The following MUSK variants were observed in gnomAD, a reference collection of about 807,000 sequenced individuals.
The protein encoded by MUSK is muscle, skeletal receptor tyrosine-protein kinase.
In MUSK, 55 loss-of-function variants were observed where a neutral mutation model predicts 88.7. The ratio of observed to expected loss-of-function variants is 0.62; its 90% CI spans 0.50 to 0.78. The LOEUF (loss-of-function observed/expected upper bound fraction) is 0.78. Among genes scored for constraint, MUSK ranks in the 30% least tolerant of loss-of-function variants. MUSK has a pLI of 0.00. For synonymous variants in MUSK, 387 were observed against 391.9 expected, an observed-to-expected ratio of 0.99 and a Z score of 0.15; for missense variants, 1,015 against 1,074.3, an observed-to-expected ratio of 0.94 and a Z score of 0.77.
At chr9:110,752,999 T>C (rs1475843603) in intron 7 of MUSK, among the ~76,000 whole-genome samples, 2 of 152,170 alleles carry the variant, frequency 1.3e-5, no homozygotes, top group Admixed American at 1.3e-4. Flanking sequence ...GCCAGGATGC[T>C]GGGCATTTGG....
chr9:110,694,397 A>C (rs543423453), intron 3 of MUSK, among the ~76,000 whole-genome samples: 2,310 of 144,108 alleles, frequency 0.016, 70 homozygotes, highest in African/African-American at 0.06. Flanking sequence ...AAAAAAAAAA[A>C]AAAAAAAAAC....
At chr9:110,785,116 C>T in intron 12 of MUSK, 100 bp downstream of exon 12, 1 of 1,010,792 alleles carries the variant, frequency 9.9e-7, no homozygotes. Flanking sequence ...CACTGCAACT[C>T]TCTAAATATA....
chr9:110,764,316 C>T (rs2131940370), intron 8 of MUSK, among the ~76,000 whole-genome samples: 1 of 152,304 alleles, frequency 6.6e-6, no homozygotes. Flanking sequence ...TTACAAAAGA[C>T]AACAGAAGAC....
chr9:110,694,215 CA>C lies in MUSK; in HGVS notation c.359-1167del, dbSNP rs1217917603. 6.0e-3 allele frequency among the ~76,000 whole-genome samples: 433 copies of C among 72,092 alleles called. 1 individual carries two copies. Among genetic ancestry groups the C allele is most frequent in the African/African-American group, 0.015 (271 of 18,510 alleles). 47.3% of individuals were successfully genotyped at this position (72,092 alleles called of 152,430 possible). ...TGAAACCCCGTCTCCACTAAAAATA[CA>C]AAAAAAAAAAAAAAAAAAAATTAGC... is the stretch of plus-strand genomic sequence containing the variant. On this transcript the variant is annotated intron_variant, in intron 3 of 14. Coordinates refer to ENST00000374448, the MANE Select transcript of MUSK (RefSeq NM_005592.4).
chr9:110,778,185 C>T (rs149804239), intron 11 of MUSK, among the ~76,000 whole-genome samples: 5 of 152,186 alleles, frequency 3.3e-5, no homozygotes, highest in African/African-American at 1.2e-4. Flanking sequence ...TTTCTTCTTC[C>T]TTGAGCATAG....
intron 7 of MUSK, among the ~76,000 whole-genome samples, chr9:110,761,421 G>A (rs973184913): frequency 1.5e-4 from 23 of 152,194 alleles, no homozygotes; most frequent in African/African-American, 5.3e-4. Flanking sequence ...ACAGCCTTGA[G>A]GCAGCCAGGT....
At chr9:110,676,460 T>G (rs1475900575) in intron 1 of MUSK, among the ~76,000 whole-genome samples, 1 of 151,858 alleles carries the variant, frequency 6.6e-6, no homozygotes, top group Non-Finnish European at 1.5e-5. Context: ...TAGGTAAACG[T>G]GTGCCATGGT....
chr9:110,739,131 A>G (rs779555528), intron 6 of MUSK, among the ~76,000 whole-genome samples: 3 of 152,116 alleles, frequency 2.0e-5, no homozygotes, highest in Non-Finnish European at 4.4e-5. Flanking sequence ...TACTTGTCTA[A>G]TGTGTCTCCA....
At chr9:110,782,475 T>G (rs1158777874) in intron 11 of MUSK, among the ~76,000 whole-genome samples, 1 of 152,258 alleles carries the variant, frequency 6.6e-6, no homozygotes, top group Non-Finnish European at 1.5e-5. Context: ...TCTTTTAACA[T>G]GACAGTAAAT....
intron 5 of MUSK, among the ~76,000 whole-genome samples, chr9:110,712,745 T>A (rs1421127445): frequency 2.6e-5 from 4 of 152,208 alleles, no homozygotes; most frequent in African/African-American, 9.6e-5. Context: ...AAGATATCAA[T>A]GTTAGGATAG....
Position 110,800,338 on chromosome 9 carries a change from C to G in MUSK, c.1960C>G (p.Leu654Val). The G allele has an allele frequency of 6.2e-7, 1 of 1,613,178 alleles. No individual in the cohort carries two copies. The highest frequency in any genetic ancestry group is 8.5e-7 in the Non-Finnish European group (1 of 1,179,328). ...TGCTGTCGGGAAGCCAATGTGCCTG[C>G]TCTTTGAATACATGGCCTATGGTGA... is the stretch of plus-strand genomic sequence containing the variant. ...VCAVGKPMCL[L>V]FEYMAYGDLN... The change falls in exon 15 of 15, where the codon CTC (leucine) becomes GTC (valine). Residue 654 changes from leucine to valine, a missense_variant. Transcript: ENST00000374448.
chr9:110,797,580 C>T (rs373427059), intron 14 of MUSK, among the ~76,000 whole-genome samples: 9 of 151,980 alleles, frequency 5.9e-5, no homozygotes, highest in Admixed American at 2.6e-4. Context: ...AGTAGTATCT[C>T]GAATAGTTTC....
At chr9:110,786,082 C>T (rs57732148) in intron 13 of MUSK, among the ~76,000 whole-genome samples, 4,909 of 150,744 alleles carry the variant, frequency 0.033, 293 homozygotes, top group African/African-American at 0.11. Flanking sequence ...GAGGCTGAGG[C>T]GGGAGGATCA....
chr9:110,684,744 T>A (rs2076173254), intron 2 of MUSK, among the ~76,000 whole-genome samples: 1 of 152,088 alleles, frequency 6.6e-6, no homozygotes, highest in South Asian at 2.1e-4. Flanking sequence ...CTATTGTAAA[T>A]AGGATTATTT....
rs138593831 is a variant in MUSK, at chr9:110,776,548, C to G, written c.1361-84C>G. On this transcript the variant is annotated intron_variant, in intron 10 of 14. Transcript: ENST00000374448. Reference sequence around the variant, plus strand: ...TATTAAAAAGCTGAGAGAGAACTTGCATTTCTTAGCACTCACTCTCTCACA... The same window carrying G: ...TATTAAAAAGCTGAGAGAGAACTTGGATTTCTTAGCACTCACTCTCTCACA... The G allele has an allele frequency of 1.0e-4, 111 of 1,092,072 alleles. No individual in the cohort carries two copies. In the African/African-American group the frequency reaches 1.7e-3, roughly 16 times the overall value. 67.6% of individuals were successfully genotyped at this position (1,092,072 alleles called of 1,614,324 possible).
chr9:110,731,629 C>A lies in MUSK; in HGVS notation c.629-2622C>A, dbSNP rs113074054. Among the ~76,000 whole-genome samples the A allele has an allele frequency of 1.4e-3, 208 of 152,160 alleles. 2 individuals carry two copies. The highest frequency in any genetic ancestry group is 4.7e-3 in the African/African-American group (197 of 41,542). On this transcript the variant is annotated intron_variant, in intron 5 of 14. Coordinates refer to ENST00000374448, the MANE Select transcript of MUSK (RefSeq NM_005592.4). ...AATGAAACCCATGGTCAGCCATAGC[C>A]TATCTGCCCCCTTCAGGGAGAAGTT...
chr9:110,720,392 A>G (rs2076795926), intron 5 of MUSK, among the ~76,000 whole-genome samples: 2 of 152,112 alleles, frequency 1.3e-5, no homozygotes, highest in Non-Finnish European at 2.9e-5. Flanking sequence ...AAGCTTTATT[A>G]GAAATGAAAT....
intron 3 of MUSK, among the ~76,000 whole-genome samples, chr9:110,692,306 T>A (rs1477487502): frequency 2.6e-5 from 4 of 152,042 alleles, no homozygotes; most frequent in African/African-American, 9.7e-5. Flanking sequence ...ACTACAGGCA[T>A]GAGCCACCAT....
intron 10 of MUSK, among the ~76,000 whole-genome samples, chr9:110,776,400 T>C (rs1024201566): frequency 6.6e-6 from 1 of 152,218 alleles, no homozygotes; most frequent in Non-Finnish European, 1.5e-5. Flanking sequence ...CAAAATTGAA[T>C]TGCTTCATGT....
Sources: gnomAD v4.1 joint callset for allele counts (sites outside exome capture counted in the v4.1 genomes callset) on GRCh38, gnomAD v4.1.1 for gene constraint, MANE v1.5 for transcripts, NCBI Gene and HGNC (gene_info 2026-07-23, HGNC 2026-07-21) for gene names.